The following GMEB2 variants were observed in gnomAD, a reference collection of about 807,000 sequenced individuals.
The protein encoded by GMEB2 is glucocorticoid modulatory element binding protein 2.
A neutral mutation model predicts 45.7 loss-of-function variants in GMEB2; 7 were observed. The observed-to-expected ratio is 0.15, with a 90% CI of 0.09 to 0.29. GMEB2 has a LOEUF of 0.29. Ranked by LOEUF, GMEB2 falls within the 10% of genes least tolerant of loss-of-function variation. GMEB2 has a pLI of 1.00. For synonymous variants in GMEB2, 322 were observed against 323.6 expected (o/e 1.00, Z 0.05); for missense variants, 582 against 739.2 (o/e 0.79, Z 2.47).
chr20:63,588,379 T>TGGG lies in GMEB2; in HGVS notation c.*1707_*1709dup, dbSNP rs2083112852. On this transcript the variant is annotated 3_prime_UTR_variant, in exon 10 of 10. Coordinates refer to ENST00000370077, the MANE Select transcript of GMEB2 (RefSeq NM_012384.5). ...TAGTGACAGGTTCTGAGCTGGTGGG[T>TGGG]GGGGGCCGCAGGGCTCTCCTGACCC... 1 of 170,606 alleles carries TGGG rather than the reference T, an allele frequency of 5.9e-6. No individual in the cohort carries two copies. The allele number at this position is 170,606 out of a possible 1,614,324, so 10.6% of individuals were successfully genotyped here.
chr20:63,600,535 T>C (rs2083234302), intron 4 of GMEB2, among the ~76,000 whole-genome samples: 2 of 151,126 alleles, frequency 1.3e-5, no homozygotes, highest in South Asian at 4.2e-4. Context: ...CTGGCCAACA[T>C]GGCAAAACCC....
rs1459553272 is a variant in GMEB2 at position 63,589,504 on chromosome 20, C to A, written c.*585G>T. The A allele has an allele frequency of 3.7e-5, 10 of 273,482 alleles. No individual in the cohort carries two copies. The highest frequency in any genetic ancestry group is 2.2e-4 in the African/African-American group (10 of 45,842). The allele number at this position is 273,482 out of a possible 1,614,324, so 16.9% of individuals were successfully genotyped here. On this transcript the variant is annotated 3_prime_UTR_variant, in exon 10 of 10. Coordinates refer to ENST00000370077, the MANE Select transcript of GMEB2 (RefSeq NM_012384.5). ...GCAGGCACCCATCAGGATCTGCACC[C>A]CAAGCTCCGGGTGCATGTTCCCAAC...
chr20:63,596,909 T>C (rs892771998), intron 5 of GMEB2, among the ~76,000 whole-genome samples: 3 of 151,866 alleles, frequency 2.0e-5, no homozygotes, highest in African/African-American at 7.3e-5. Context: ...ACCCAGCTAC[T>C]GGGGAGGGTG....
intron 1 of GMEB2, among the ~76,000 whole-genome samples, chr20:63,626,230 A>ATCCCTGTGGGTCTCGTCCCTGTGGGGGGG (rs1555895482): frequency 1.4e-5 from 2 of 146,762 alleles, no homozygotes; most frequent in African/African-American, 2.5e-5. Context: ...CAGTGGGGTG[A>ATCCCTGTGGGTCTCGTCCCTGTGGGGGGG]TCCCTGCGGG....
intron 3 of GMEB2, 134 bp downstream of exon 3, chr20:63,604,609 T>A (rs2089503863): frequency 6.1e-6 from 4 of 658,622 alleles, no homozygotes; most frequent in African/African-American, 1.8e-5. Flanking sequence ...CTCTCACTCC[T>A]AAGGGCACAC....
chr20:63,595,842 G>C (rs2083194869), intron 5 of GMEB2, 75 bp from the exon 6 acceptor site: 1 of 1,413,398 alleles, frequency 7.1e-7, no homozygotes, highest in African/African-American at 1.4e-5. Context: ...ACCCTGACCT[G>C]GGCCATCCAC....
At chr20:63,594,279 C>A (rs2083175610) in intron 6 of GMEB2, among the ~76,000 whole-genome samples, 1 of 152,242 alleles carries the variant, frequency 6.6e-6, no homozygotes. Context: ...CTCAGCCTAG[C>A]TGTGAGGCAC....
chr20:63,609,421 C>A (rs180881500), intron 2 of GMEB2, among the ~76,000 whole-genome samples: 3,869 of 107,596 alleles, frequency 0.036, 116 homozygotes, highest in East Asian at 0.14. Flanking sequence ...CTGACCCCAC[C>A]TCCATTTCTA....
intron 2 of GMEB2, among the ~76,000 whole-genome samples, chr20:63,610,475 C>A (rs895405703): frequency 4.6e-5 from 7 of 152,026 alleles, no homozygotes; most frequent in Non-Finnish European, 1.0e-4. Flanking sequence ...GAGCCGAGAT[C>A]GCGCCATTGC....
At position 63,592,417 on chromosome 20, in the gene GMEB2, T is replaced by C. The variant is rs963091697; in HGVS notation, c.829+116A>G. The C allele has an allele frequency of 1.1e-5, 9 of 783,146 alleles. No homozygotes were observed. Among genetic ancestry groups the C allele is most frequent in the African/African-American group, 5.2e-5 (3 of 57,310 alleles). 48.5% of individuals were successfully genotyped at this position (783,146 alleles called of 1,614,324 possible). A position where few individuals can be genotyped will look rare whatever the true frequency, so the allele number is the denominator to read the frequency against. On this transcript the variant is annotated intron_variant, in intron 8 of 9. Coordinates refer to ENST00000370077, the MANE Select transcript of GMEB2 (RefSeq NM_012384.5). The surrounding 1 kb of genome is among the most constrained non-coding windows in gnomAD (Gnocchi z 8.2). Reference sequence around the variant, plus strand: ...GCACAGCAGGAGTCCCAAGCCTAGATTCAGCCTCCAACCCAGCAGCACAGA... The same window carrying C: ...GCACAGCAGGAGTCCCAAGCCTAGACTCAGCCTCCAACCCAGCAGCACAGA...
intron 1 of GMEB2, among the ~76,000 whole-genome samples, chr20:63,622,192 A>T (rs2146095746): frequency 6.6e-6 from 1 of 152,322 alleles, no homozygotes; most frequent in African/African-American, 2.4e-5. Flanking sequence ...TTTTAAAATC[A>T]TCATTGTTAA....
chr20:63,604,159 A>T (rs2089499659), intron 3 of GMEB2, among the ~76,000 whole-genome samples: 1 of 145,536 alleles, frequency 6.9e-6, no homozygotes, highest in South Asian at 2.3e-4. Context: ...TGAGGCCAGG[A>T]GTTCGAGACC....
chr20:63,595,494 G>A (rs6090467), intron 6 of GMEB2, 116 bp downstream of exon 6: 56,952 of 868,136 alleles, frequency 0.066, 2,403 homozygotes, highest in African/African-American at 0.15. Context: ...GCAGGAGACC[G>A]GCAGTCCTGG....
intron 2 of GMEB2, among the ~76,000 whole-genome samples, chr20:63,610,883 G>A (rs928385567): frequency 2.0e-5 from 3 of 152,168 alleles, no homozygotes; most frequent in Non-Finnish European, 2.9e-5. Flanking sequence ...AGGCTGTGAC[G>A]AGGCCCTACG....
rs1386309976 is a variant in GMEB2 at position 63,626,741 on chromosome 20, G to GCGCCGCCGCCCGCGCC, written c.-58+199_-58+214dup. ...CGCGGCGCCAAGATGGAGGCAGGAA[G>GCGCCGCCGCCCGCGCC]CGCCGCCGCCCGCGCCCGCCACCGC... On this transcript the variant is annotated intron_variant, in intron 1 of 9. Transcript: ENST00000370077. Among the ~76,000 whole-genome samples, 27 of 147,944 alleles carry GCGCCGCCGCCCGCGCC rather than the reference G, an allele frequency of 1.8e-4. No homozygotes were observed. The East Asian group carries it at 2.7e-3, about 15-fold the overall frequency.
At chr20:63,625,661 C>G (rs548343620) in intron 1 of GMEB2, among the ~76,000 whole-genome samples, 120 of 151,910 alleles carry the variant, frequency 7.9e-4, no homozygotes, top group Non-Finnish European at 1.1e-3. Flanking sequence ...GCAATGGCAC[C>G]ATCTCCACTC....
intron 2 of GMEB2, among the ~76,000 whole-genome samples, chr20:63,607,207 TCCATTTCTAGAAACATGCCCCTCTGACC>T (rs2089527084): frequency 2.0e-5 from 2 of 98,822 alleles, no homozygotes; most frequent in African/African-American, 4.1e-5. Context: ...CTGACCCACC[TCCATTTCTAGAAACATGCCCCTCTGACC>T]CACCTCCATT....
chr20:63,625,362 G>A (rs984885291), intron 1 of GMEB2, among the ~76,000 whole-genome samples: 8 of 151,832 alleles, frequency 5.3e-5, no homozygotes, highest in Admixed American at 1.3e-4. Context: ...TGGTAGAGAC[G>A]GGGTTTCATC....
Position 63,619,335 on chromosome 20 carries a change from A to C in GMEB2, c.63T>G (p.Thr21=). The C allele has an allele frequency of 6.2e-7, 1 of 1,613,088 alleles. No individual in the cohort carries two copies. The highest frequency in any genetic ancestry group is 8.5e-7 in the Non-Finnish European group (1 of 1,179,906). ...EEVVVVTTPD[T]AVDGSGVEGV... ...CCTCCACACCACTGCCGTCCACTGC[A>C]GTGTCCGGAGTTGTCACAACCACCA... The change falls in exon 2 of 10, where the codon ACT becomes ACG. Residue 21 remains threonine, a synonymous_variant. Transcript: ENST00000370077. This position sits in a 1 kb window ranked among gnomAD's most constrained non-coding sequence, Gnocchi z 4.6.
Sources: allele counts gnomAD v4.1 joint callset (sites outside exome capture counted in the v4.1 genomes callset), GRCh38; gene constraint gnomAD v4.1.1; non-coding constraint Gnocchi (gnomAD v3.1); transcripts MANE v1.5; gene names NCBI Gene and HGNC (gene_info 2026-07-23, HGNC 2026-07-21).